AKNAD1: variants seen among roughly 807,000 people sequenced by gnomAD.
AKNAD1 encodes the protein protein AKNAD1.
AKNAD1 carries 67 observed loss-of-function variants against 90.8 expected under a neutral mutation model. The ratio of observed to expected loss-of-function variants is 0.74; its 90% confidence interval spans 0.61 to 0.90. The LOEUF (loss-of-function observed/expected upper bound fraction) is 0.90. Ranked by LOEUF, AKNAD1 falls within the 40% of genes least tolerant of loss-of-function variation. The pLI, the probability that AKNAD1 is intolerant of heterozygous loss-of-function variation, is 0.00. For synonymous variants in AKNAD1, 327 were observed against 341.4 expected (o/e 0.96, Z 0.46); for missense variants, 957 against 975.4 (o/e 0.98, Z 0.25).
intron 13 of AKNAD1, 59 bp from the exon 14 acceptor site, chr1:108,820,685 C>G: frequency 1.1e-6 from 1 of 922,828 alleles, no homozygotes; most frequent in South Asian, 1.4e-5. Context: ...CAAATGGTGC[C>G]TATGTATCAT....
At chr1:108,837,417 C>A (rs1454155280) in intron 7 of AKNAD1, 133 bp downstream of exon 7, 3 of 846,436 alleles carry the variant, frequency 3.5e-6, no homozygotes, top group Non-Finnish European at 5.3e-6. Context: ...TAATATAATT[C>A]ATGGGACTTT....
intron 5 of AKNAD1, among the ~76,000 whole-genome samples, chr1:108,845,471 T>C (rs1166838180): frequency 6.6e-6 from 1 of 152,242 alleles, no homozygotes; most frequent in African/African-American, 2.4e-5. Context: ...GGACCTGCTT[T>C]TCCTCTGTTC....
intron 7 of AKNAD1, 86 bp from the exon 8 acceptor site, chr1:108,835,142 C>T (rs1664342854): frequency 1.4e-6 from 2 of 1,453,816 alleles, no homozygotes; most frequent in Non-Finnish European, 1.8e-6. Context: ...CCTACAGCAC[C>T]CCTAAGGCAC....
At chr1:108,831,964 C>T (rs1664213580) in intron 9 of AKNAD1, among the ~76,000 whole-genome samples, 1 of 151,548 alleles carries the variant, frequency 6.6e-6, no homozygotes, top group Admixed American at 6.6e-5. Flanking sequence ...TAGCTCATGT[C>T]CTTTGTCCAT....
At position 108,852,321 on chromosome 1, in the gene AKNAD1, TGAA is replaced by T; in HGVS notation, c.341_343del (p.Leu114del). 3 of 1,614,178 alleles carry T rather than the reference TGAA, an allele frequency of 1.9e-6. No individual in the cohort carries two copies. Among genetic ancestry groups the T allele is most frequent in the Non-Finnish European group, 2.5e-6 (3 of 1,180,016 alleles). On this transcript the variant is annotated inframe_deletion, in exon 2 of 16. Coordinates refer to ENST00000370001, the MANE Select transcript of AKNAD1 (RefSeq NM_152763.5). ...TAAGAATGGCTCTTTGGAAAGATGATGAAGTAAAATATCAGAAATGCTTGACTT... is the reference window on the plus strand; with the variant it reads ...TAAGAATGGCTCTTTGGAAAGATGATGTAAAATATCAGAAATGCTTGACTT...
chr1:108,849,114 T>C, intron 3 of AKNAD1, 54 bp from the exon 4 acceptor site: 1 of 1,463,900 alleles, frequency 6.8e-7, no homozygotes, highest in South Asian at 1.4e-5. Flanking sequence ...TATCACAGTT[T>C]TATTAAGTAC....
Sources: gnomAD v4.1 joint callset for allele counts (sites outside exome capture counted in the v4.1 genomes callset) on GRCh38, gnomAD v4.1.1 for gene constraint, MANE v1.5 for transcripts, NCBI Gene and HGNC (gene_info 2026-07-23, HGNC 2026-07-21) for gene names.